MX1: variants seen among roughly 807,000 people sequenced by gnomAD.
The protein encoded by MX1 is MX dynamin like GTPase 1.
A neutral mutation model predicts 66.4 loss-of-function variants in MX1; 66 were observed. The ratio of observed to expected loss-of-function variants is 0.99; its 90% CI spans 0.82 to 1.22. MX1 has a LOEUF of 1.22. Ranked by LOEUF, MX1 falls within the 50% of genes most tolerant of loss-of-function variation. The pLI, the probability that MX1 is intolerant of heterozygous loss-of-function variation, is 0.00. For synonymous variants in MX1, 311 were observed against 318.1 expected (o/e 0.98, Z 0.24); for missense variants, 787 against 834.3 (o/e 0.94, Z 0.70).
At position 41,443,849 on chromosome 21, in the gene MX1, C is replaced by T. The variant is rs1568985199; in HGVS notation, c.991C>T (p.Leu331Phe). The T allele has an allele frequency of 5.0e-6, 8 of 1,614,234 alleles. No individual in the cohort carries two copies. Among genetic ancestry groups the T allele is most frequent in the Non-Finnish European group, 6.8e-6 (8 of 1,180,030 alleles). ...CCTGGCAGAAAAACTTACCAGCGAG[C>T]TCATCACACATATCTGTGTAAGCAC... is the stretch of plus-strand genomic sequence containing the variant. ...PCLAEKLTSE[L>F]ITHICKSLPL... Residue 331 changes from leucine to phenylalanine, a missense_variant, in exon 11 of 17, where the codon CTC (leucine) becomes TTC (phenylalanine). By Grantham distance (22) the Leu-to-Phe change is conservative (BLOSUM62 0). Coordinates refer to ENST00000398598, the MANE Select transcript of MX1 (RefSeq NM_002462.5).
rs1374806050 is a variant in MX1, at chr21:41,441,778, C to T, written c.793C>T (p.Arg265Trp). The change falls in exon 10 of 17, where the codon CGG becomes TGG. Residue 265 changes from arginine (R) to tryptophan (W), a missense_variant. Transcript: ENST00000398598. The surrounding 1 kb of genome is among the most constrained non-coding windows in gnomAD (Gnocchi z 4.0). ...GTEDKVVDVV[R>W]NLVFHLKKGY... Reference sequence around the variant, plus strand: ...TGAAGACAAGGTTGTGGACGTGGTGCGGAACCTCGTGTTCCACCTGAAGAA... The same window carrying T: ...TGAAGACAAGGTTGTGGACGTGGTGTGGAACCTCGTGTTCCACCTGAAGAA... 17 of 1,614,034 alleles carry T rather than the reference C, an allele frequency of 1.1e-5. No homozygotes were observed. Among genetic ancestry groups the T allele is most frequent in the East Asian group, 4.5e-5 (2 of 44,896 alleles).
At position 41,441,458 on chromosome 21, in the gene MX1, G is replaced by A; in HGVS notation, c.731-258G>A. The stretch of plus-strand genomic sequence containing the variant: ...TCAAGGGATAAACAAAACGTGGCGT[G>A]TTCTACAGTGGACCCGGGTGAAGGA... On this transcript the variant is annotated intron_variant, in intron 9 of 16. Coordinates refer to ENST00000398598, the MANE Select transcript of MX1 (RefSeq NM_002462.5). This position sits in a 1 kb window ranked among gnomAD's most constrained non-coding sequence, Gnocchi z 4.0. The A allele has an allele frequency of 1.8e-6, 1 of 553,680 alleles. No individual in the cohort carries two copies. The highest frequency in any genetic ancestry group is 3.3e-6 in the Non-Finnish European group (1 of 307,276). 34.3% of individuals were successfully genotyped at this position (553,680 alleles called of 1,614,324 possible). A position where few individuals can be genotyped will look rare whatever the true frequency, so the allele number is the denominator to read the frequency against.
upstream of MX1, among the ~76,000 whole-genome samples, chr21:41,423,937 C>T (rs2090018210): frequency 6.6e-6 from 1 of 152,196 alleles, no homozygotes; most frequent in South Asian, 2.1e-4. Flanking sequence ...CTTCCGAGTC[C>T]TGCCCTGGCT....
intron 16 of MX1, among the ~76,000 whole-genome samples, chr21:41,458,189 C>T (rs905728173): frequency 1.3e-5 from 2 of 152,134 alleles, no homozygotes; most frequent in South Asian, 2.1e-4. Flanking sequence ...GGTTTCACCA[C>T]GTTGACCAGG....
chr21:41,430,760 C>T (rs958415328), intron 4 of MX1, among the ~76,000 whole-genome samples, 152 bp downstream of exon 4: 6 of 152,060 alleles, frequency 3.9e-5, no homozygotes, highest in African/African-American at 1.4e-4. Flanking sequence ...CAAATACATA[C>T]GTGTGTATTT....
At position 41,452,664 on chromosome 21, in the gene MX1, A is replaced by ATCCATCTG; in HGVS notation, c.1553_1554insTCCATCTG (p.Glu518AspfsTer6). ...AGAGCAGAACAAGAGAGAGAAGGTG[A>ATCCATCTG]GAAGCTGATCCGCCTCCACTTCCAG... On this transcript the variant is annotated frameshift_variant, in exon 16 of 17. Coordinates refer to ENST00000398598, the MANE Select transcript of MX1 (RefSeq NM_002462.5). LOFTEE classifies it high-confidence loss of function. The ATCCATCTG allele has an allele frequency of 1.2e-6, 2 of 1,614,238 alleles. No homozygotes were observed. Among genetic ancestry groups the ATCCATCTG allele is most frequent in the Non-Finnish European group, 1.7e-6 (2 of 1,180,052 alleles).
intron 8 of MX1, among the ~76,000 whole-genome samples, chr21:41,440,516 A>C (rs763200140): frequency 1.3e-5 from 2 of 152,198 alleles, no homozygotes; most frequent in African/African-American, 2.4e-5. Context: ...AGAAAGAAAT[A>C]GGTATAATGA....
At position 41,458,818 on chromosome 21, in the gene MX1, G is replaced by C; in HGVS notation, c.*60G>C. 6.4e-7 allele frequency: 1 copy of C among 1,562,258 alleles called. No individual in the cohort carries two copies. Among genetic ancestry groups the C allele is most frequent in the Non-Finnish European group, 8.6e-7 (1 of 1,156,920 alleles). ...CACTGTCTGCCCCCGTTCCCGGGTA[G>C]CCACTGGACTGACGACTTGAGTGCT... On this transcript the variant is annotated 3_prime_UTR_variant, in exon 17 of 17. Transcript: ENST00000398598.
chr21:41,430,149 G>A (rs1285623114), intron 3 of MX1, among the ~76,000 whole-genome samples: 1 of 152,050 alleles, frequency 6.6e-6, no homozygotes, highest in African/African-American at 2.4e-5. Context: ...GCTCAGGTGT[G>A]CAGCTAGATA....
At chr21:41,434,238 T>G (rs550534236) in intron 5 of MX1, among the ~76,000 whole-genome samples, 1 of 152,332 alleles carries the variant, frequency 6.6e-6, no homozygotes, top group African/African-American at 2.4e-5. Context: ...TCAGCCCACT[T>G]TAGGAAAATT....
chr21:41,450,666 A>G (rs1473001958), intron 14 of MX1, among the ~76,000 whole-genome samples: 1 of 152,198 alleles, frequency 6.6e-6, no homozygotes, highest in Non-Finnish European at 1.5e-5. Flanking sequence ...GAGATCAATA[A>G]GAGGTTTTCA....
intron 16 of MX1, among the ~76,000 whole-genome samples, chr21:41,455,203 C>T (rs994690553): frequency 6.6e-6 from 1 of 152,186 alleles, no homozygotes; most frequent in African/African-American, 2.4e-5. Context: ...AGCCACCATG[C>T]CTGGCCTCTG....
intron 13 of MX1, among the ~76,000 whole-genome samples, chr21:41,447,008 A>G (rs2146287720): frequency 6.6e-6 from 1 of 152,328 alleles, no homozygotes; most frequent in Non-Finnish European, 1.5e-5. Flanking sequence ...TGATGAATTG[A>G]TAAACCAACT....
rs909396196 is a variant in MX1 at position 41,453,001 on chromosome 21, G to A, written c.1758+132G>A. The stretch of plus-strand genomic sequence containing the variant: ...TCGTTTACCTCCTTGTTAGCCTCCT[G>A]TATTAGTCCATTTTCATGCTGCTGA... On this transcript the variant is annotated intron_variant, in intron 16 of 16. Coordinates refer to ENST00000398598, the MANE Select transcript of MX1 (RefSeq NM_002462.5). The A allele has an allele frequency of 3.9e-6, 4 of 1,028,222 alleles. No homozygotes were observed. In the African/African-American group the frequency reaches 6.5e-5, roughly 17 times the overall value. The allele number at this position is 1,028,222 out of a possible 1,614,324, so 63.7% of individuals were successfully genotyped here. A position where few individuals can be genotyped will look rare whatever the true frequency, so the allele number is the denominator to read the frequency against.
intron 3 of MX1, chr21:41,429,490 C>CT (rs1188526737): frequency 1.3e-5 from 2 of 152,330 alleles, no homozygotes; most frequent in African/African-American, 4.8e-5. Flanking sequence ...GCCCAGAAGA[C>CT]TGGTACTCCT....
chr21:41,441,131 G>C lies in MX1; in HGVS notation c.730+106G>C. On this transcript the variant is annotated intron_variant, in intron 9 of 16. Coordinates refer to ENST00000398598, the MANE Select transcript of MX1 (RefSeq NM_002462.5). This position sits in a 1 kb window ranked among gnomAD's most constrained non-coding sequence, Gnocchi z 4.0. ...GTGCTCGGTGAGAATGGGGGAGCCC[G>C]CCTGTGCTCGGTGAGAATGGGGGAG... is the stretch of plus-strand genomic sequence containing the variant. 2 of 1,132,750 alleles carry C rather than the reference G, an allele frequency of 1.8e-6. No homozygotes were observed. Among genetic ancestry groups the C allele is most frequent in the Non-Finnish European group, 1.2e-6 (1 of 808,408 alleles). The allele number at this position is 1,132,750 out of a possible 1,614,324, so 70.2% of individuals were successfully genotyped here.
chr21:41,424,226 AGTGTGTGTGTGTGT>A (rs3037030), upstream of MX1, among the ~76,000 whole-genome samples: 5 of 146,214 alleles, frequency 3.4e-5, no homozygotes, highest in South Asian at 2.2e-4. Context: ...AGAGGGGTTG[AGTGTGTGTGTGTGT>A]GTGTGTGTGT....
chr21:41,430,969 C>G (rs1164145995), intron 4 of MX1, among the ~76,000 whole-genome samples: 3 of 152,206 alleles, frequency 2.0e-5, no homozygotes, highest in Non-Finnish European at 4.4e-5. Flanking sequence ...TTTGGATTCT[C>G]TTGGCTACAT....
chr21:41,456,360 C>T (rs2090958715), intron 16 of MX1, among the ~76,000 whole-genome samples: 1 of 152,222 alleles, frequency 6.6e-6, no homozygotes, highest in African/African-American at 2.4e-5. Flanking sequence ...AGTCCAAAAT[C>T]CCAGGGCAGG....
Sources: gnomAD v4.1 joint callset for allele counts (sites outside exome capture counted in the v4.1 genomes callset) on GRCh38, gnomAD v4.1.1 for gene constraint, Gnocchi (gnomAD v3.1) non-coding constraint, MANE v1.5 for transcripts, NCBI Gene and HGNC (gene_info 2026-07-23, HGNC 2026-07-21) for gene names.